Variants in COL4A3 observed in about 807,000 individuals in gnomAD.
COL4A3 encodes the protein collagen type IV alpha 3 chain.
Under a neutral mutation model 217.4 loss-of-function variants are expected in COL4A3, and 135 were observed. That is an observed-to-expected ratio of 0.62 (90% CI 0.54 to 0.72). COL4A3 has a LOEUF of 0.72. Among genes scored for constraint, COL4A3 ranks in the 30% least tolerant of loss-of-function variants. The probability of loss-of-function intolerance (pLI) is 0.00; values close to 1 mark genes in which losing one functional copy is unlikely to be tolerated. For missense variants in COL4A3, 1,868 were observed against 2,119.9 expected (o/e 0.88, Z 2.33); for synonymous variants, 690 against 736.3 (o/e 0.94, Z 1.02).
At position 227,285,420 on chromosome 2, in the gene COL4A3, T is replaced by C. The variant is rs926036321; in HGVS notation, c.2881+1075T>C. 2.0e-5 allele frequency among the ~76,000 whole-genome samples: 3 copies of C among 152,044 alleles called. No individual in the cohort carries two copies. In the East Asian group the frequency reaches 5.8e-4, roughly 29 times the overall value. On this transcript the variant is annotated intron_variant, in intron 34 of 51. Coordinates refer to ENST00000396578, the MANE Select transcript of COL4A3 (RefSeq NM_000091.5). ...ACCTGGTGTTGAAGAGACACTTTAG[T>C]TCTGGTACAAAAAGAATATTGCATT...
chr2:227,281,252 T>C (rs1382253416), intron 31 of COL4A3, among the ~76,000 whole-genome samples: 2 of 152,130 alleles, frequency 1.3e-5, no homozygotes, highest in African/African-American at 2.4e-5. Flanking sequence ...GCAAGAAAAA[T>C]ATGAATGCTG....
chr2:227,244,269 T>C, intron 3 of COL4A3, 51 bp from the exon 4 acceptor site: 1 of 1,544,118 alleles, frequency 6.5e-7, no homozygotes, highest in Non-Finnish European at 9.0e-7. Flanking sequence ...GGTTTCTTAG[T>C]GCCAAATAAT....
intron 1 of COL4A3, among the ~76,000 whole-genome samples, chr2:227,235,325 T>A (rs1280711232): frequency 6.6e-6 from 1 of 152,182 alleles, no homozygotes; most frequent in Non-Finnish European, 1.5e-5. Flanking sequence ...AATCATTTAG[T>A]CAAGACATGA....
Position 227,225,373 on chromosome 2 carries a change from C to CT in COL4A3, c.88-12589dup, listed in dbSNP as rs1424386938. Among the ~76,000 whole-genome samples the CT allele has an allele frequency of 3.3e-5, 5 of 152,172 alleles. No individual in the cohort carries two copies. In the East Asian group the frequency reaches 9.6e-4, roughly 29 times the overall value. ...TGTGGCACTGGTGGCAGCTTTCTGT[C>CT]TTTTTTGTTTGTTTTAAGAGGTAAT... On this transcript the variant is annotated intron_variant, in intron 1 of 51. Coordinates refer to ENST00000396578, the MANE Select transcript of COL4A3 (RefSeq NM_000091.5).
intron 1 of COL4A3, among the ~76,000 whole-genome samples, chr2:227,175,495 G>T (rs2065644438): frequency 6.6e-6 from 1 of 151,940 alleles, no homozygotes; most frequent in South Asian, 2.1e-4. Context: ...AAAAAACCAA[G>T]ACAAACAGAG....
chr2:227,205,893 A>G (rs952684578), intron 1 of COL4A3, among the ~76,000 whole-genome samples: 1 of 152,096 alleles, frequency 6.6e-6, no homozygotes, highest in Non-Finnish European at 1.5e-5. Flanking sequence ...TGTCTTGGCA[A>G]GTTGATGCAT....
chr2:227,232,013 CA>C (rs2125862280), intron 1 of COL4A3, among the ~76,000 whole-genome samples: 1 of 152,180 alleles, frequency 6.6e-6, no homozygotes, highest in Admixed American at 6.5e-5. Flanking sequence ...TCCCTGAGTT[CA>C]GTTGATTTGA....
chr2:227,218,832 ATTTG>A (rs1488807484), intron 1 of COL4A3, among the ~76,000 whole-genome samples: 2 of 152,162 alleles, frequency 1.3e-5, no homozygotes, highest in Admixed American at 6.5e-5. Context: ...ATTATTTTAT[ATTTG>A]TTTATTTGTA....
intron 47 of COL4A3, among the ~76,000 whole-genome samples, chr2:227,306,464 G>T (rs563544279): frequency 1.3e-5 from 2 of 152,114 alleles, no homozygotes; most frequent in Non-Finnish European, 1.5e-5. Context: ...GCCAACTATA[G>T]CTCCCTCTGA....
At chr2:227,291,131 T>C in intron 37 of COL4A3, 2 of 489,790 alleles carry the variant, frequency 4.1e-6, no homozygotes, top group Non-Finnish European at 7.4e-6. Context: ...GCAATTTAGG[T>C]GTGCTGCCAG....
chr2:227,254,733 G>A lies in COL4A3; in HGVS notation c.888+18G>A. ...GCCTGCAGGTAAATTTGGAAATTCG[G>A]TGTCATGTGCAGTTTTGATTAGTCA... is the stretch of plus-strand genomic sequence containing the variant. On this transcript the variant is annotated intron_variant, in intron 15 of 51. Transcript: ENST00000396578. The A allele has an allele frequency of 6.3e-7, 1 of 1,597,452 alleles. No homozygotes were observed. Among genetic ancestry groups the A allele is most frequent in the Non-Finnish European group, 8.6e-7 (1 of 1,164,876 alleles).
At chr2:227,291,549 C>A (rs1468588858) in intron 37 of COL4A3, among the ~76,000 whole-genome samples, 1 of 122,100 alleles carries the variant, frequency 8.2e-6, no homozygotes, top group Non-Finnish European at 1.6e-5. Context: ...GGAGACACAG[C>A]GAGACTCCGT....
At chr2:227,260,145 G>T (rs1171026997) in intron 19 of COL4A3, 1 of 611,844 alleles carries the variant, frequency 1.6e-6, no homozygotes, top group East Asian at 3.4e-5. Context: ...GAGGGCAGGA[G>T]GAGGGAGTGC....
At chr2:227,217,307 C>A (rs1018428497) in intron 1 of COL4A3, among the ~76,000 whole-genome samples, 7 of 152,252 alleles carry the variant, frequency 4.6e-5, no homozygotes, top group African/African-American at 1.2e-4. Context: ...AGCTACAATT[C>A]AAGATGAGAT....
intron 26 of COL4A3, among the ~76,000 whole-genome samples, chr2:227,276,162 A>G (rs2071546456): frequency 6.6e-6 from 1 of 152,244 alleles, no homozygotes; most frequent in South Asian, 2.1e-4. Context: ...ACAGGTTAAA[A>G]CAAAGTTTAG....
At chr2:227,280,189 T>A (rs1458571201) in intron 29 of COL4A3, among the ~76,000 whole-genome samples, 3 of 152,172 alleles carry the variant, frequency 2.0e-5, no homozygotes, top group African/African-American at 7.2e-5. Flanking sequence ...AGAAAAACTA[T>A]CAAAAGTAAA....
intron 1 of COL4A3, among the ~76,000 whole-genome samples, chr2:227,214,863 G>A (rs964071003): frequency 6.6e-6 from 1 of 152,162 alleles, no homozygotes; most frequent in Non-Finnish European, 1.5e-5. Flanking sequence ...GACAGTCTGG[G>A]TGTCTGGTTT....
chr2:227,230,951 T>C (rs866429500), intron 1 of COL4A3, among the ~76,000 whole-genome samples: 4 of 152,206 alleles, frequency 2.6e-5, no homozygotes, highest in Admixed American at 1.3e-4. Flanking sequence ...TCAGCAACAT[T>C]GTCATGTGCT....
chr2:227,260,568 A>G (rs2070492100), intron 19 of COL4A3, among the ~76,000 whole-genome samples: 1 of 152,180 alleles, frequency 6.6e-6, no homozygotes, highest in South Asian at 2.1e-4. Context: ...AGGAAATTCT[A>G]CTTAAAAGAA....
Sources: allele counts gnomAD v4.1 joint callset (sites outside exome capture counted in the v4.1 genomes callset), GRCh38; gene constraint gnomAD v4.1.1; transcripts MANE v1.5; gene names NCBI Gene and HGNC (gene_info 2026-07-23, HGNC 2026-07-21).